Variants in FGF13 observed in about 807,000 individuals in gnomAD.
The protein encoded by FGF13 is fibroblast growth factor homologous factor 2.
In FGF13, 2 loss-of-function variants were observed where a neutral mutation model predicts 19.5. That is an observed-to-expected ratio of 0.10 (90% confidence interval 0.04 to 0.32). The LOEUF (loss-of-function observed/expected upper bound fraction) is 0.32. FGF13 is among the 10% of genes least tolerant of loss of function. The pLI, the probability that FGF13 is intolerant of heterozygous loss-of-function variation, is 1.00. For synonymous variants in FGF13, 72 were observed against 76.9 expected (o/e 0.94, Z 0.33); for missense variants, 113 against 192.7 (o/e 0.59, Z 2.45).
intron 1 of FGF13, among the ~76,000 whole-genome samples, chrX:138,733,979 A>C (rs1011450021): frequency 9.0e-6 from 1 of 111,431 alleles, no homozygotes; most frequent in African/African-American, 3.3e-5. Context: ...GGACAAAAAA[A>C]TTTAGAAAAG....
At position 138,711,266 on chromosome X, in the gene FGF13, G is replaced by C; in HGVS notation, c.-263C>G. The C allele has an allele frequency of 2.0e-6, 2 of 984,344 alleles. No homozygotes were observed. The highest frequency in any genetic ancestry group is 2.5e-6 in the Non-Finnish European group (2 of 784,649). 81.1% of individuals were successfully genotyped at this position (984,344 alleles called of 1,213,427 possible). The stretch of plus-strand genomic sequence containing the variant: ...AGTCGACGCCACAGCCCCGGGCCCG[G>C]GATCGCGGGCGAGACTGGCACGCGG... On this transcript the variant is annotated 5_prime_UTR_variant, in exon 1 of 5. Coordinates refer to ENST00000315930, the MANE Select transcript of FGF13 (RefSeq NM_004114.5).
chrX:139,013,922 A>G (rs1450257814), intron 1 of FGF13, among the ~76,000 whole-genome samples: 3 of 111,217 alleles, frequency 2.7e-5, no homozygotes, highest in Non-Finnish European at 5.7e-5. Context: ...TCTGAACACA[A>G]CAGAATACAA....
intron 3 of FGF13, among the ~76,000 whole-genome samples, chrX:138,693,392 C>A (rs2089858705): frequency 9.0e-6 from 1 of 111,630 alleles, no homozygotes; most frequent in Admixed American, 9.5e-5. Flanking sequence ...TAAAATCTAG[C>A]TCTTTGAGCT....
chrX:138,715,962 CCAAA>C (rs1350405945), upstream of FGF13: 3 of 111,865 alleles, frequency 2.7e-5, no homozygotes, highest in Non-Finnish European at 5.6e-5. Context: ...AGACAGAAAC[CCAAA>C]CAGATGTGAC....
intron 3 of FGF13, among the ~76,000 whole-genome samples, chrX:138,808,810 T>C (rs949435767): frequency 2.7e-5 from 3 of 111,970 alleles, no homozygotes; most frequent in African/African-American, 9.7e-5. Flanking sequence ...GAGAATGCTA[T>C]AAACACCTCT....
intron 1 of FGF13, among the ~76,000 whole-genome samples, chrX:139,033,969 A>T (rs1052206198): frequency 8.9e-6 from 1 of 111,989 alleles, no homozygotes; most frequent in Non-Finnish European, 1.9e-5. Flanking sequence ...ATGTCCAGCT[A>T]CAGGGTCCAC....
intron 1 of FGF13, among the ~76,000 whole-genome samples, chrX:138,927,516 G>A (rs963335858): frequency 6.3e-5 from 7 of 111,872 alleles, no homozygotes; most frequent in African/African-American, 9.8e-5. Flanking sequence ...CTGGCCCTTC[G>A]CTTCTCAATC....
At chrX:138,934,622 G>A (rs1264149513) in intron 1 of FGF13, among the ~76,000 whole-genome samples, 2 of 112,605 alleles carry the variant, frequency 1.8e-5, no homozygotes, top group East Asian at 5.6e-4. Flanking sequence ...GAGATGAAAT[G>A]TGCTGTAGGT....
intron 1 of FGF13, among the ~76,000 whole-genome samples, chrX:139,130,766 G>C (rs1332773868): frequency 8.9e-6 from 1 of 111,770 alleles, no homozygotes; most frequent in Non-Finnish European, 1.9e-5. Flanking sequence ...CCATGAAATA[G>C]TGTTAGATTT....
intron 1 of FGF13, among the ~76,000 whole-genome samples, chrX:138,728,976 A>G (rs1169309525): frequency 9.0e-6 from 1 of 111,486 alleles, no homozygotes; most frequent in Non-Finnish European, 1.9e-5. Context: ...GCTCAGATCT[A>G]GATCAATATA....
chrX:138,724,833 G>A (rs1438535205), intron 1 of FGF13, among the ~76,000 whole-genome samples: 1 of 111,514 alleles, frequency 9.0e-6, no homozygotes, highest in Non-Finnish European at 1.9e-5. Context: ...GGAAAACCTG[G>A]TGAAATCCAA....
At chrX:138,703,323 T>G (rs943424882) in intron 2 of FGF13, among the ~76,000 whole-genome samples, 4 of 111,896 alleles carry the variant, frequency 3.6e-5, no homozygotes, top group Non-Finnish European at 7.5e-5. Context: ...AATTTCATGG[T>G]TGCAGCCAGG....
chrX:138,809,251 T>C (rs1045152453), intron 3 of FGF13, among the ~76,000 whole-genome samples: 6 of 111,796 alleles, frequency 5.4e-5, no homozygotes, highest in African/African-American at 1.6e-4. Flanking sequence ...TCCATCACGA[T>C]CAAGTTGGCT....
At chrX:138,873,633 G>A (rs760697833) in intron 1 of FGF13, among the ~76,000 whole-genome samples, 1 of 111,111 alleles carries the variant, frequency 9.0e-6, no homozygotes, top group African/African-American at 3.3e-5. Context: ...CTCTCCTGAC[G>A]TGCCTCCGAT....
At chrX:139,139,782 GAA>G (rs930874471) in intron 1 of FGF13, among the ~76,000 whole-genome samples, 1 of 111,653 alleles carries the variant, frequency 9.0e-6, no homozygotes, top group African/African-American at 3.3e-5. Context: ...TACCGTAAGA[GAA>G]AAACACAGAG....
At chrX:138,876,823 G>A (rs768524663) in intron 1 of FGF13, among the ~76,000 whole-genome samples, 1 of 111,679 alleles carries the variant, frequency 9.0e-6, no homozygotes, top group Non-Finnish European at 1.9e-5. Flanking sequence ...TATTTAAGAT[G>A]GATCTCTCTA....
intron 1 of FGF13, among the ~76,000 whole-genome samples, chrX:138,877,191 C>A (rs1164408142): frequency 3.7e-5 from 4 of 108,495 alleles, no homozygotes; most frequent in Non-Finnish European, 7.6e-5. Context: ...CACACGTATA[C>A]CTATGTAACA....
chrX:138,825,276 C>T (rs2091026322), intron 3 of FGF13, among the ~76,000 whole-genome samples: 1 of 111,491 alleles, frequency 9.0e-6, no homozygotes, highest in Non-Finnish European at 1.9e-5. Context: ...TGACCTTGGG[C>T]AAGTAAACAC....
chrX:139,084,020 A>G (rs147290914), intron 1 of FGF13, among the ~76,000 whole-genome samples: 3,493 of 110,560 alleles, frequency 0.032, 126 homozygotes, highest in African/African-American at 0.11. Flanking sequence ...TGGCTTGCAC[A>G]TTCTGCATCA....
Sources: gnomAD v4.1 joint callset for allele counts (sites outside exome capture counted in the v4.1 genomes callset) on GRCh38, gnomAD v4.1.1 for gene constraint, MANE v1.5 for transcripts, NCBI Gene and HGNC (gene_info 2026-07-23, HGNC 2026-07-21) for gene names.